Variants in MYB observed in about 807,000 individuals in gnomAD.
The protein encoded by MYB is transcriptional activator Myb.
MYB carries 28 observed loss-of-function variants against 92.9 expected under a neutral mutation model. The observed-to-expected ratio is 0.30, with a 90% confidence interval of 0.22 to 0.41. MYB has a LOEUF of 0.41. Among genes scored for constraint, MYB ranks in the 10% least tolerant of loss-of-function variants. MYB has a pLI of 1.00. For synonymous variants in MYB, 295 were observed against 329.1 expected (o/e 0.90, Z 1.12); for missense variants, 679 against 929.3 (o/e 0.73, Z 3.50).
At chr6:135,205,632 CTGAGAT>C (rs1169937905) in intron 15 of MYB, among the ~76,000 whole-genome samples, 1 of 152,176 alleles carries the variant, frequency 6.6e-6, no homozygotes, top group Non-Finnish European at 1.5e-5. Context: ...CATCTGTACA[CTGAGAT>C]TAAGTTGTGT....
intron 1 of MYB, among the ~76,000 whole-genome samples, chr6:135,183,168 A>C (rs1562359625): frequency 6.6e-6 from 1 of 151,852 alleles, no homozygotes; most frequent in South Asian, 2.1e-4. Context: ...CAGGTAGCCC[A>C]GAGGGGAGGC....
At position 135,203,280 on chromosome 6, in the gene MYB, G is replaced by A. The variant is rs1778387691; in HGVS notation, c.2125G>A (p.Ala709Thr). 1 of 1,611,374 alleles carries A rather than the reference G, an allele frequency of 6.2e-7. No homozygotes were observed. Among genetic ancestry groups the A allele is most frequent in the Non-Finnish European group, 8.5e-7 (1 of 1,177,528 alleles). Residue 709 changes from alanine to threonine, a missense_variant, in exon 15 of 16, where the codon GCA (alanine) becomes ACA (threonine). By Grantham distance (58) the Ala-to-Thr change is moderately conservative. Around this residue, in one of 8 missense-constraint regions of MYB, gnomAD observed 402 missense variants for 434.2 expected, o/e 0.93. Transcript: ENST00000341911. The part of the protein sequence containing the change: ...ASEDEDNVLK[A>T]FTVPKNRSLA... The stretch of plus-strand genomic sequence containing the variant: ...AGAAGATGAAGACAATGTTCTCAAA[G>A]CATTTACAGTACCTAAAAACAGGTC...
At position 135,195,738 on chromosome 6, in the gene MYB, C is replaced by G. The variant is rs759908136; in HGVS notation, c.949-10C>G. On this transcript the variant is annotated splice_polypyrimidine_tract_variant and intron_variant, in intron 8 of 15. Coordinates refer to ENST00000341911, the MANE Select transcript of MYB (RefSeq NM_001130173.2). The stretch of plus-strand genomic sequence containing the variant: ...CTCTCTTTATTTCTACACCCTTCCC[C>G]CTTCCTTAGACACAGAACCACACAT... 3.3e-5 allele frequency: 53 copies of G among 1,613,364 alleles called. No homozygotes were observed. The Admixed American group carries it at 8.7e-4, about 26-fold the overall frequency.
chr6:135,210,873 G>C (rs1779612182), intron 15 of MYB, among the ~76,000 whole-genome samples: 1 of 152,194 alleles, frequency 6.6e-6, no homozygotes, highest in Non-Finnish European at 1.5e-5. Flanking sequence ...TTGAAATGCA[G>C]GCAAGGAGCC....
Position 135,200,605 on chromosome 6 carries a change from G to A in MYB, c.1950+190G>A, listed in dbSNP as rs1176134943. The A allele has an allele frequency of 4.0e-5, 30 of 754,416 alleles. No homozygotes were observed. The Middle Eastern group carries it at 6.8e-4, about 17-fold the overall frequency. 46.7% of individuals were successfully genotyped at this position (754,416 alleles called of 1,614,324 possible). A position where few individuals can be genotyped will look rare whatever the true frequency, so the allele number is the denominator to read the frequency against. On this transcript the variant is annotated intron_variant, in intron 13 of 15. Transcript: ENST00000341911. ...ATCAACCTTTCCTTTGGGAAGCCAA[G>A]CCATCTCTATCTACTTCATGTTTGG... is the stretch of plus-strand genomic sequence containing the variant.
intron 13 of MYB, 57 bp from the exon 14 acceptor site, chr6:135,201,582 T>G: frequency 8.5e-7 from 1 of 1,178,574 alleles, no homozygotes; most frequent in Non-Finnish European, 1.2e-6. Flanking sequence ...TACTCCTGAC[T>G]GTACATGTTT....
intron 14 of MYB, chr6:135,202,762 A>G: frequency 1.1e-5 from 4 of 357,514 alleles, no homozygotes; most frequent in South Asian, 8.8e-5. Flanking sequence ...CTAATAAGGG[A>G]TGGTGCTGGG....
intron 15 of MYB, among the ~76,000 whole-genome samples, chr6:135,205,973 AG>A (rs1778809289): frequency 6.6e-6 from 1 of 151,994 alleles, no homozygotes; most frequent in African/African-American, 2.4e-5. Context: ...TTGGAGGCCG[AG>A]GTGGGCGGAT....
intron 6 of MYB, among the ~76,000 whole-genome samples, chr6:135,193,117 T>C (rs966815709): frequency 1.3e-5 from 2 of 152,226 alleles, no homozygotes; most frequent in Admixed American, 6.5e-5. Flanking sequence ...GTGACATTCA[T>C]TTTCTGATGT....
chr6:135,217,176 C>G (rs781396841), intron 15 of MYB, among the ~76,000 whole-genome samples: 1 of 152,046 alleles, frequency 6.6e-6, no homozygotes, highest in Non-Finnish European at 1.5e-5. Flanking sequence ...CAAGACCAAC[C>G]TGGGCAACAT....
At position 135,193,813 on chromosome 6, in the gene MYB, C is replaced by T. The variant is rs371484465; in HGVS notation, c.763-25C>T. The T allele has an allele frequency of 2.6e-6, 4 of 1,549,668 alleles. No homozygotes were observed. The African/African-American group carries it at 5.4e-5, about 21-fold the overall frequency. ...GCATATGTAGCCCTGAATGACGTGG[C>T]CTTTGTTTTGTCTTTTGCATCTAGG... On this transcript the variant is annotated intron_variant, in intron 6 of 15. Coordinates refer to ENST00000341911, the MANE Select transcript of MYB (RefSeq NM_001130173.2).
Position 135,197,273 on chromosome 6 carries a change from T to TA in MYB, c.1516_1517insA (p.Ser506TyrfsTer24), listed in dbSNP as rs747518105. On this transcript the variant is annotated frameshift_variant, in exon 10 of 16. Coordinates refer to ENST00000341911, the MANE Select transcript of MYB (RefSeq NM_001130173.2). LOFTEE classifies it high-confidence loss of function. Reference sequence around the variant, plus strand: ...CTTCATATTTGCTGACGTCAGCAGTTCAACTCCCAAGCGTTCCCCTGTCAA... The same window carrying TA: ...CTTCATATTTGCTGACGTCAGCAGTTACAACTCCCAAGCGTTCCCCTGTCAA... 6.2e-7 allele frequency: 1 copy of TA among 1,613,878 alleles called. No homozygotes were observed. The highest frequency in any genetic ancestry group is 1.1e-5 in the South Asian group (1 of 91,064).
rs1777450767 is a variant in MYB at position 135,197,219 on chromosome 6, A to T, written c.1462A>T (p.Ser488Cys). 2 of 1,614,000 alleles carry T rather than the reference A, an allele frequency of 1.2e-6. No homozygotes were observed. Among genetic ancestry groups the T allele is most frequent in the Non-Finnish European group, 1.7e-6 (2 of 1,179,878 alleles). The change falls in exon 10 of 16, where the codon AGC becomes TGC. Residue 488 changes from serine to cysteine, a missense_variant. Coordinates refer to ENST00000341911, the MANE Select transcript of MYB (RefSeq NM_001130173.2). ...CCTTCGAAAAAAACGGGGCCAGGCC[A>T]GCCCCTTAGCCACTGGAGACTGTAG... ...VILRKKRGQA[S>C]PLATGDCSSF...
At chr6:135,195,643 A>T (rs1039880624) in intron 8 of MYB, 105 bp from the exon 9 acceptor site, 21 of 1,314,056 alleles carry the variant, frequency 1.6e-5, no homozygotes, top group Non-Finnish European at 2.0e-5. Flanking sequence ...AACTACTCTT[A>T]TCTTTCCTCC....
At chr6:135,209,665 C>A (rs1019652654) in intron 15 of MYB, among the ~76,000 whole-genome samples, 1 of 152,088 alleles carries the variant, frequency 6.6e-6, no homozygotes, top group Non-Finnish European at 1.5e-5. Context: ...ATTACTTAGT[C>A]TTTTTCCAAA....
At chr6:135,193,789 C>A in intron 6 of MYB, 49 bp from the exon 7 acceptor site, 2 of 1,320,276 alleles carry the variant, frequency 1.5e-6, no homozygotes, top group Non-Finnish European at 2.2e-6. Flanking sequence ...TCCCCTGAAG[C>A]ATATGTAGCC....
chr6:135,187,387 G>A (rs1776063643), intron 2 of MYB, among the ~76,000 whole-genome samples: 1 of 152,070 alleles, frequency 6.6e-6, no homozygotes, highest in South Asian at 2.1e-4. Context: ...ACTGAATCTA[G>A]CACTGGAATG....
Position 135,181,757 on chromosome 6 carries a change from C to T in MYB, c.23+221C>T, listed in dbSNP as rs972412358. ...GTATCCGGACGTTGGGAAGCACGCC[C>T]TGCGGCTCATTTTGCAAGTTGCATG... On this transcript the variant is annotated intron_variant, in intron 1 of 15. Transcript: ENST00000341911. The surrounding 1 kb of genome is among the most constrained non-coding windows in gnomAD (Gnocchi z 5.3). Among the ~76,000 whole-genome samples, 8 of 152,364 alleles carry T rather than the reference C, an allele frequency of 5.3e-5. No homozygotes were observed. Among genetic ancestry groups the T allele is most frequent in the African/African-American group, 1.4e-4 (6 of 41,598 alleles).
intron 15 of MYB, among the ~76,000 whole-genome samples, chr6:135,208,693 A>C (rs747823628): frequency 3.3e-5 from 5 of 152,000 alleles, no homozygotes; most frequent in Admixed American, 1.3e-4. Context: ...AAGTATTTTA[A>C]AGTAAATTCC....
Sources: allele counts gnomAD v4.1 joint callset (sites outside exome capture counted in the v4.1 genomes callset), GRCh38; gene constraint gnomAD v4.1.1; regional missense constraint gnomAD v4.1.1; non-coding constraint Gnocchi (gnomAD v3.1); transcripts MANE v1.5; gene names NCBI Gene and HGNC (gene_info 2026-07-23, HGNC 2026-07-21).